Variants in AGO1 observed in about 807,000 individuals in gnomAD.
AGO1 encodes protein argonaute-1.
A neutral mutation model predicts 109.2 loss-of-function variants in AGO1; 11 were observed. That is an observed-to-expected ratio of 0.10 (90% confidence interval 0.06 to 0.17). The LOEUF (loss-of-function observed/expected upper bound fraction) is 0.17, where lower values mean the gene tolerates loss of function less well. Ranked by LOEUF, AGO1 falls within the 10% of genes least tolerant of loss-of-function variation. The pLI, the probability that AGO1 is intolerant of heterozygous loss-of-function variation, is 1.00. For missense variants in AGO1, 574 were observed against 1,140.3 expected, an observed-to-expected ratio of 0.50 and a Z score of 7.15; for synonymous variants, 422 against 418.6, an observed-to-expected ratio of 1.01 and a Z score of -0.10.
At position 35,892,596 on chromosome 1, in the gene AGO1, G is replaced by C; in HGVS notation, c.249G>C (p.Gln83His). 2 of 1,614,222 alleles carry C rather than the reference G, an allele frequency of 1.2e-6. No individual in the cohort carries two copies. Among genetic ancestry groups the C allele is most frequent in the Non-Finnish European group, 1.7e-6 (2 of 1,180,042 alleles). ...VEYMVQHFKP[Q>H]IFGDRKPVYD... The stretch of plus-strand genomic sequence containing the variant: ...ACATGGTCCAGCATTTCAAGCCTCA[G>C]ATCTTTGGTGATCGCAAGCCTGTGT... The change falls in exon 3 of 19, where the codon CAG (glutamine) becomes CAC (histidine). Residue 83 changes from glutamine to histidine, a missense_variant. Gln to His is a conservative substitution (Grantham distance 24). Transcript: ENST00000373204.
At chr1:35,916,413 G>C (rs950575279) in intron 15 of AGO1, among the ~76,000 whole-genome samples, 2 of 152,020 alleles carry the variant, frequency 1.3e-5, no homozygotes, top group African/African-American at 4.8e-5. Context: ...TCTTGCCCAG[G>C]GTGGAGCGCA....
At chr1:35,878,724 C>T (rs1206864972), upstream of AGO1, among the ~76,000 whole-genome samples, 1 of 152,168 alleles carries the variant, frequency 6.6e-6, no homozygotes, top group East Asian at 1.9e-4. Flanking sequence ...TCATACAAAT[C>T]ACATACATCT....
At position 35,901,457 on chromosome 1, in the gene AGO1, CCTT is replaced by C. The variant is rs777246642; in HGVS notation, c.1021-13_1021-11del. On this transcript the variant is annotated splice_polypyrimidine_tract_variant and intron_variant, in intron 8 of 18. Coordinates refer to ENST00000373204, the MANE Select transcript of AGO1 (RefSeq NM_012199.5). This position sits in a 1 kb window ranked among gnomAD's most constrained non-coding sequence, Gnocchi z 4.8. The stretch of plus-strand genomic sequence containing the variant: ...CTGTACTCAAGCCAGAGCTACCTGT[CCTT>C]CTTGTTTCCTCAGGTCTGTAACATT... The C allele has an allele frequency of 1.6e-5, 26 of 1,613,726 alleles. No individual in the cohort carries two copies. Among genetic ancestry groups the C allele is most frequent in the Non-Finnish European group, 2.1e-5 (25 of 1,179,892 alleles).
upstream of AGO1, among the ~76,000 whole-genome samples, chr1:35,881,472 C>T (rs1037974737): frequency 2.0e-5 from 3 of 152,158 alleles, no homozygotes; most frequent in Admixed American, 1.3e-4. Flanking sequence ...AGGTGTCTGC[C>T]ACAACACCTG....
intron 8 of AGO1, among the ~76,000 whole-genome samples, chr1:35,897,912 C>T (rs74889302): frequency 1.0e-3 from 155 of 152,266 alleles, no homozygotes; most frequent in African/African-American, 3.3e-3. Context: ...ATGCACCATT[C>T]GTTCTCTCCC....
At chr1:35,885,473 T>A (rs1382156715) in intron 1 of AGO1, among the ~76,000 whole-genome samples, 1 of 152,224 alleles carries the variant, frequency 6.6e-6, no homozygotes, top group Non-Finnish European at 1.5e-5. Context: ...GTAAAGGGTA[T>A]AATTGAGATT....
In AGO1 at chr1:35,920,776, C is replaced by G. The variant is rs11544095; in HGVS notation, c.*1169C>G. 1 of 152,424 alleles carries G rather than the reference C, an allele frequency of 6.6e-6. No homozygotes were observed. Among genetic ancestry groups the G allele is most frequent in the African/African-American group, 2.4e-5 (1 of 41,306 alleles). The allele number at this position is 152,424 out of a possible 1,614,324, so 9.4% of individuals were successfully genotyped here. On this transcript the variant is annotated 3_prime_UTR_variant, in exon 19 of 19. Coordinates refer to ENST00000373204, the MANE Select transcript of AGO1 (RefSeq NM_012199.5). ...CTTTTCTCCCTTGATGGTCAAGTCTCTTATGTTTCAATATTTCTTAACTGG... is the reference window on the plus strand; with the variant it reads ...CTTTTCTCCCTTGATGGTCAAGTCTGTTATGTTTCAATATTTCTTAACTGG...
chr1:35,919,429 G>A lies in AGO1; in HGVS notation c.2466-70G>A. 6.6e-7 allele frequency: 1 copy of A among 1,515,674 alleles called. No individual in the cohort carries two copies. Among genetic ancestry groups the A allele is most frequent in the Non-Finnish European group, 9.0e-7 (1 of 1,113,788 alleles). 93.9% of individuals were successfully genotyped at this position (1,515,674 alleles called of 1,614,324 possible). A position where few individuals can be genotyped will look rare whatever the true frequency, so the allele number is the denominator to read the frequency against. Reference sequence around the variant, plus strand: ...GTTGGTATGGGAATTGGCATCCCAGGGCTGGGCGAGGGAATTAGCAGCAGC... The same window carrying A: ...GTTGGTATGGGAATTGGCATCCCAGAGCTGGGCGAGGGAATTAGCAGCAGC... On this transcript the variant is annotated intron_variant, in intron 18 of 18. Coordinates refer to ENST00000373204, the MANE Select transcript of AGO1 (RefSeq NM_012199.5). The surrounding 1 kb of genome is among the most constrained non-coding windows in gnomAD (Gnocchi z 6.6).
In AGO1 at chr1:35,926,834, CA is replaced by C. The variant is rs1645937390; in HGVS notation, c.*7229del. On this transcript the variant is annotated 3_prime_UTR_variant, in exon 19 of 19. Transcript: ENST00000373204. ...AACTGCCTTCTCCAGTATATCATAC[CA>C]AGGTTTTTTAGGCCTTTGTGGCTTA... 6.6e-6 allele frequency: 1 copy of C among 152,194 alleles called. No homozygotes were observed. Among genetic ancestry groups the C allele is most frequent in the Admixed American group, 6.5e-5 (1 of 15,294 alleles). 9.4% of individuals were successfully genotyped at this position (152,194 alleles called of 1,614,324 possible).
At chr1:35,916,126 C>T (rs1466368524) in intron 15 of AGO1, among the ~76,000 whole-genome samples, 1 of 151,926 alleles carries the variant, frequency 6.6e-6, no homozygotes, top group Non-Finnish European at 1.5e-5. Flanking sequence ...GTGCCATGAA[C>T]TGTCCTAAGC....
At chr1:35,886,053 C>T (rs1645114851) in intron 1 of AGO1, among the ~76,000 whole-genome samples, 1 of 152,136 alleles carries the variant, frequency 6.6e-6, no homozygotes, top group East Asian at 1.9e-4. Context: ...AGAAAGGAAT[C>T]CTGAGCCAGG....
intron 1 of AGO1, among the ~76,000 whole-genome samples, chr1:35,887,967 C>T (rs1256128952): frequency 2.0e-5 from 3 of 152,158 alleles, no homozygotes; most frequent in Non-Finnish European, 4.4e-5. Flanking sequence ...TATTCCTGCC[C>T]ACCTATAAAG....
intron 11 of AGO1, among the ~76,000 whole-genome samples, chr1:35,903,048 C>G (rs1283073404): frequency 6.7e-6 from 1 of 148,842 alleles, no homozygotes; most frequent in East Asian, 2.0e-4. Context: ...CTCTGTCACC[C>G]ATGCTGGAGT....
In AGO1 at chr1:35,892,544, C is replaced by T; in HGVS notation, c.210-13C>T. 6.2e-7 allele frequency: 1 copy of T among 1,614,226 alleles called. No homozygotes were observed. ...GTCTCTCAGCTTCCACAGGCCACTC[C>T]TATCCCCCACAGGGAAGTGGTGGAA... On this transcript the variant is annotated splice_polypyrimidine_tract_variant and intron_variant, in intron 2 of 18. Transcript: ENST00000373204.
At chr1:35,891,501 A>T (rs1390560334) in intron 2 of AGO1, among the ~76,000 whole-genome samples, 1 of 152,190 alleles carries the variant, frequency 6.6e-6, no homozygotes, top group African/African-American at 2.4e-5. Flanking sequence ...ATCTGGGATT[A>T]GATTGGAGCA....
At position 35,907,076 on chromosome 1, in the gene AGO1, G is replaced by C. The variant is rs371346774; in HGVS notation, c.1539G>C (p.Leu513=). ...FRHLKNTYSG[L]QLIIVILPGK... Reference sequence around the variant, plus strand: ...ATCTCAAGAACACCTACTCAGGGCTGCAGCTCATTATTGTCATCCTGCCAG... The same window carrying C: ...ATCTCAAGAACACCTACTCAGGGCTCCAGCTCATTATTGTCATCCTGCCAG... Residue 513 remains leucine (L), a synonymous_variant, in exon 12 of 19, where the codon CTG becomes CTC. Transcript: ENST00000373204. 3.1e-6 allele frequency: 5 copies of C among 1,613,974 alleles called. No homozygotes were observed. Among genetic ancestry groups the C allele is most frequent in the Non-Finnish European group, 3.4e-6 (4 of 1,179,942 alleles).
At position 35,877,784 on chromosome 1, in the gene AGO1, C is replaced by G. The variant is rs184224691; in HGVS notation, c.-201+7881C>G. ...TCTCGGCTCACTGCAACCTCTGCCC[C>G]CTGAGTTCAAGTGATTCTTCTGCCT... On this transcript the variant is annotated intron_variant, in intron 1 of 18. Coordinates refer to the AGO1 transcript ENST00000373206. 9.2e-5 allele frequency among the ~76,000 whole-genome samples: 14 copies of G among 151,792 alleles called. No homozygotes were observed. In the East Asian group the frequency reaches 2.5e-3, roughly 27 times the overall value.
In AGO1 at chr1:35,892,349, T is replaced by A. The variant is rs760443875; in HGVS notation, c.210-208T>A. Among the ~76,000 whole-genome samples the A allele has an allele frequency of 4.9e-4, 74 of 152,378 alleles. 1 individual carries two copies. The Middle Eastern group carries it at 0.01, about 21-fold the overall frequency. ...ATGCTAGAAATGCAGAATTTCAGGC[T>A]TCGCTCTAGACCTGCTGAATCAGAA... On this transcript the variant is annotated intron_variant, in intron 2 of 18. Transcript: ENST00000373204.
intron 2 of AGO1, among the ~76,000 whole-genome samples, chr1:35,891,749 G>C (rs1645223489): frequency 6.6e-6 from 1 of 151,950 alleles, no homozygotes; most frequent in South Asian, 2.1e-4. Context: ...ATTTTTTGTA[G>C]AGATGGAGTT....
Sources: gnomAD v4.1 joint callset for allele counts (sites outside exome capture counted in the v4.1 genomes callset) on GRCh38, gnomAD v4.1.1 for gene constraint, Gnocchi (gnomAD v3.1) non-coding constraint, MANE v1.5 for transcripts, NCBI Gene and HGNC (gene_info 2026-07-23, HGNC 2026-07-21) for gene names.